PABPC1L: variants seen among roughly 807,000 people sequenced by gnomAD.
PABPC1L encodes poly(A) binding protein cytoplasmic 1 like, also known as polyadenylate-binding protein 1-like.
A neutral mutation model predicts 66.6 loss-of-function variants in PABPC1L; 31 were observed. The ratio of observed to expected loss-of-function variants is 0.47; its 90% CI spans 0.35 to 0.63. The LOEUF is 0.63. Among genes scored for constraint, PABPC1L ranks in the 20% least tolerant of loss-of-function variants. PABPC1L has a pLI of 0.00. For missense variants in PABPC1L, 722 were observed against 848.8 expected, an observed-to-expected ratio of 0.85 and a Z score of 1.86; for synonymous variants, 348 against 335.1, an observed-to-expected ratio of 1.04 and a Z score of -0.42.
chr20:44,917,024 C>T (rs2066742684), intron 3 of PABPC1L, among the ~76,000 whole-genome samples, 153 bp downstream of exon 3: 1 of 152,170 alleles, frequency 6.6e-6, no homozygotes, highest in Admixed American at 6.6e-5. Context: ...GGAGCAGCTG[C>T]TCAACCTCTC....
intron 6 of PABPC1L, among the ~76,000 whole-genome samples, chr20:44,923,242 G>A (rs923469094): frequency 6.6e-6 from 1 of 152,146 alleles, no homozygotes; most frequent in Non-Finnish European, 1.5e-5. Context: ...ATGATCTGGG[G>A]CAACTTATTT....
At chr20:44,931,093 C>CTTCCTTCT in intron 8 of PABPC1L, among the ~76,000 whole-genome samples, 1 of 125,862 alleles carries the variant, frequency 7.9e-6, no homozygotes, top group Non-Finnish European at 1.7e-5. Flanking sequence ...CCCTCCCTTC[C>CTTCCTTCT]TTCCTTCCTT....
intron 7 of PABPC1L, among the ~76,000 whole-genome samples, chr20:44,928,864 C>CAAAAAA (rs10597679): frequency 5.9e-4 from 32 of 54,324 alleles, no homozygotes; most frequent in Non-Finnish European, 7.0e-4. Context: ...GATCCTGACT[C>CAAAAAA]AAAAAAAAAA....
chr20:44,924,488 G>A (rs543891071), intron 7 of PABPC1L, among the ~76,000 whole-genome samples: 1 of 152,264 alleles, frequency 6.6e-6, no homozygotes, highest in South Asian at 2.1e-4. Context: ...CTGGACTTGG[G>A]GCTCACTGTC....
At chr20:44,933,216 G>A (rs1242456668) in intron 10 of PABPC1L, 31 bp downstream of exon 10, 4 of 1,561,270 alleles carry the variant, frequency 2.6e-6, no homozygotes, top group Non-Finnish European at 3.5e-6. Context: ...GGGGAATGGG[G>A]GTGGGGCAAA....
intron 1 of PABPC1L, among the ~76,000 whole-genome samples, chr20:44,911,450 C>G (rs1364705064): frequency 6.6e-6 from 1 of 152,078 alleles, no homozygotes; most frequent in Non-Finnish European, 1.5e-5. Flanking sequence ...GGCAACAGAG[C>G]GAGACTCCAT....
At chr20:44,917,642 G>A (rs560314056) in intron 3 of PABPC1L, among the ~76,000 whole-genome samples, 45 of 152,232 alleles carry the variant, frequency 3.0e-4, no homozygotes, top group Non-Finnish European at 5.4e-4. Flanking sequence ...GCAGATAATA[G>A]AGAGAATCTG....
intron 2 of PABPC1L, among the ~76,000 whole-genome samples, chr20:44,914,803 C>T (rs2066727593): frequency 6.6e-6 from 1 of 152,174 alleles, no homozygotes; most frequent in South Asian, 2.1e-4. Flanking sequence ...CATGTATACT[C>T]CTTAAAAGGG....
intron 2 of PABPC1L, among the ~76,000 whole-genome samples, chr20:44,913,566 G>T (rs1327067147): frequency 1.3e-5 from 2 of 152,092 alleles, no homozygotes; most frequent in African/African-American, 4.8e-5. Context: ...AATTACAGGT[G>T]CGAGCCACCA....
At chr20:44,924,372 G>GA in intron 7 of PABPC1L, 116 bp downstream of exon 7, 1 of 761,716 alleles carries the variant, frequency 1.3e-6, no homozygotes, top group Non-Finnish European at 2.2e-6. Context: ...GGTTGGTGCC[G>GA]GCTACCCCTT....
Position 44,919,030 on chromosome 20 carries a change from C to T in PABPC1L, c.628C>T (p.Leu210Phe). The T allele has an allele frequency of 1.9e-6, 3 of 1,612,142 alleles. No homozygotes were observed. Among genetic ancestry groups the T allele is most frequent in the South Asian group, 1.1e-5 (1 of 90,740 alleles). Residue 210 changes from leucine (L) to phenylalanine (F), a missense_variant, in exon 4 of 15, where the codon CTC becomes TTC. Transcript: ENST00000217073. ...TGTGGACGAGCAAGGCCTGCAGGAC[C>T]TCTTCTCCCAGTTTGGTGGGTGTGT... ...VDVDEQGLQD[L>F]FSQFGKMLSV...
chr20:44,936,835 C>T (rs2066904772), intron 12 of PABPC1L, 105 bp downstream of exon 12: 1 of 1,199,846 alleles, frequency 8.3e-7, no homozygotes, highest in Admixed American at 2.0e-5. Flanking sequence ...GGTCAAATTC[C>T]AGCTTTGTCA....
At chr20:44,925,442 C>T (rs1169225677) in intron 7 of PABPC1L, among the ~76,000 whole-genome samples, 2 of 152,128 alleles carry the variant, frequency 1.3e-5, no homozygotes, top group Non-Finnish European at 2.9e-5. Context: ...TACAGGAGTT[C>T]AGTGGAACAG....
intron 6 of PABPC1L, among the ~76,000 whole-genome samples, chr20:44,923,882 G>T (rs909067413): frequency 3.9e-5 from 6 of 152,178 alleles, no homozygotes; most frequent in African/African-American, 1.4e-4. Context: ...GGACATCCTC[G>T]TGGGCCCCAT....
intron 5 of PABPC1L, among the ~76,000 whole-genome samples, chr20:44,920,662 T>G (rs2145562506): frequency 6.6e-6 from 1 of 151,082 alleles, no homozygotes; most frequent in Non-Finnish European, 1.5e-5. Flanking sequence ...AGAGAAGGGG[T>G]TTCACCATGT....
In PABPC1L at chr20:44,936,661, C is replaced by T; in HGVS notation, c.1591C>T (p.Pro531Ser). 1 of 1,604,232 alleles carries T rather than the reference C, an allele frequency of 6.2e-7. No homozygotes were observed. Among genetic ancestry groups the T allele is most frequent in the Non-Finnish European group, 8.5e-7 (1 of 1,176,468 alleles). Residue 531 changes from proline (P) to serine (S), a missense_variant, in exon 12 of 15, where the codon CCA becomes TCA. Coordinates refer to ENST00000217073, the MANE Select transcript of PABPC1L (RefSeq NM_001372179.1). ...GGTCCAGGAGCCGGCTGTGCACATC[C>T]CAGGACAGGAGCCCCTGACCGCGTC... ...YRVQEPAVHIPGQEPLTASML... is the reference protein window; with the variant it reads ...YRVQEPAVHISGQEPLTASML...
chr20:44,936,524 C>T, intron 11 of PABPC1L, 113 bp from the exon 12 acceptor site: 2 of 844,148 alleles, frequency 2.4e-6, no homozygotes, highest in South Asian at 3.6e-5. Flanking sequence ...AGACCTTGCC[C>T]TCTGTTCCCC....
chr20:44,931,236 G>A (rs931187880), intron 8 of PABPC1L, among the ~76,000 whole-genome samples: 1 of 151,242 alleles, frequency 6.6e-6, no homozygotes, highest in Non-Finnish European at 1.5e-5. Flanking sequence ...GAGAGCAATG[G>A]CATGATCATG....
chr20:44,926,527 CAT>C (rs34226005), intron 7 of PABPC1L, among the ~76,000 whole-genome samples: 4 of 149,202 alleles, frequency 2.7e-5, no homozygotes, highest in Admixed American at 6.7e-5. Flanking sequence ...GCCCAGCCTA[CAT>C]ATATATATAT....
Sources: gnomAD v4.1 joint callset for allele counts (sites outside exome capture counted in the v4.1 genomes callset) on GRCh38, gnomAD v4.1.1 for gene constraint, MANE v1.5 for transcripts, NCBI Gene and HGNC (gene_info 2026-07-23, HGNC 2026-07-21) for gene names.